The following TP53BP1 variants were observed in gnomAD, a reference collection of about 807,000 sequenced individuals.
TP53BP1 encodes TP53-binding protein 1.
Under a neutral mutation model 200.8 loss-of-function variants are expected in TP53BP1, and 61 were observed. That is an observed-to-expected ratio of 0.30 (90% CI 0.25 to 0.38). The LOEUF is 0.38. TP53BP1 is among the 10% of genes least tolerant of loss of function. The pLI is 1.00. For missense variants in TP53BP1, 2,144 were observed against 2,371.9 expected, an observed-to-expected ratio of 0.90 and a Z score of 2.00; for synonymous variants, 822 against 844.3, an observed-to-expected ratio of 0.97 and a Z score of 0.46.
At chr15:43,422,952 C>A (rs2045439994) in intron 18 of TP53BP1, among the ~76,000 whole-genome samples, 1 of 151,642 alleles carries the variant, frequency 6.6e-6, no homozygotes, top group African/African-American at 2.4e-5. Flanking sequence ...CGGGATCATG[C>A]CACTGTACTC....
upstream of TP53BP1, among the ~76,000 whole-genome samples, chr15:43,496,144 G>C (rs1038068021): frequency 2.7e-4 from 41 of 152,246 alleles, no homozygotes; most frequent in Admixed American, 7.8e-4. Context: ...AGCCCTCCCA[G>C]AGAAGGCTCA....
intron 5 of TP53BP1, 55 bp from the exon 6 acceptor site, chr15:43,480,072 CA>C (rs2078941240): frequency 6.5e-7 from 1 of 1,535,532 alleles, no homozygotes; most frequent in Non-Finnish European, 8.9e-7. Flanking sequence ...ATGCAATGTA[CA>C]AGCTGCTGTC....
chr15:43,406,379 A>C lies in TP53BP1; in HGVS notation c.*1004T>G. 3.1e-6 allele frequency: 1 copy of C among 321,114 alleles called. No individual in the cohort carries two copies. The highest frequency in any genetic ancestry group is 6.2e-6 in the Non-Finnish European group (1 of 162,550). The allele number at this position is 321,114 out of a possible 1,614,324, so 19.9% of individuals were successfully genotyped here. A position where few individuals can be genotyped will look rare whatever the true frequency, so the allele number is the denominator to read the frequency against. On this transcript the variant is annotated 3_prime_UTR_variant, in exon 28 of 28. Transcript: ENST00000382044. ...AAGCTCTGACAACTTATTCCCTGCT[A>C]TTATCAACTAAAGATCACCCTTTCT...
At chr15:43,454,162 G>A (rs1420222900) in intron 12 of TP53BP1, among the ~76,000 whole-genome samples, 2 of 151,524 alleles carry the variant, frequency 1.3e-5, no homozygotes, top group African/African-American at 2.4e-5. Context: ...CTGAGATTGC[G>A]CCACTGCACT....
At chr15:43,438,062 TAACCC>T (rs756540590) in intron 16 of TP53BP1, among the ~76,000 whole-genome samples, 10 of 152,204 alleles carry the variant, frequency 6.6e-5, no homozygotes, top group Non-Finnish European at 1.3e-4. Context: ...CTTTTATAAT[TAACCC>T]ATGCTCACGG....
chr15:43,503,102 ATT>A (rs1174998022), intron 1 of TP53BP1, among the ~76,000 whole-genome samples: 1 of 152,246 alleles, frequency 6.6e-6, no homozygotes, highest in Non-Finnish European at 1.5e-5. Context: ...TACAATTAAA[ATT>A]GGGCCCATTT....
chr15:43,479,268 A>T (rs1472218620), intron 7 of TP53BP1, 129 bp downstream of exon 7: 13 of 938,146 alleles, frequency 1.4e-5, no homozygotes, highest in Middle Eastern at 2.4e-4. Flanking sequence ...ATGGACCACA[A>T]GTATGCCCAG....
chr15:43,421,669 A>G, intron 19 of TP53BP1, 186 bp downstream of exon 19: 1 of 798,442 alleles, frequency 1.3e-6, no homozygotes, highest in Non-Finnish European at 1.9e-6. Context: ...TCTACCTGCC[A>G]CAGGGCTCCA....
At chr15:43,490,083 T>G (rs575563946) in intron 4 of TP53BP1, among the ~76,000 whole-genome samples, 1 of 151,922 alleles carries the variant, frequency 6.6e-6, no homozygotes, top group Non-Finnish European at 1.5e-5. Context: ...CTGCTATTTT[T>G]TTTTTTATTA....
chr15:43,475,168 C>CA (rs1314526984), intron 9 of TP53BP1, among the ~76,000 whole-genome samples: 3 of 151,740 alleles, frequency 2.0e-5, no homozygotes, highest in South Asian at 2.1e-4. Context: ...TAAAACTAAA[C>CA]AAAAAAAACC....
At chr15:43,417,713 G>GT (rs2045300257) in intron 21 of TP53BP1, among the ~76,000 whole-genome samples, 1 of 152,144 alleles carries the variant, frequency 6.6e-6, no homozygotes, top group Non-Finnish European at 1.5e-5. Flanking sequence ...CAAACTATGA[G>GT]TCACAATAAA....
chr15:43,486,682 G>A (rs2079051456), intron 4 of TP53BP1, among the ~76,000 whole-genome samples: 1 of 152,064 alleles, frequency 6.6e-6, no homozygotes, highest in Non-Finnish European at 1.5e-5. Flanking sequence ...AGAGTGCAGC[G>A]GTGCAATCAC....
intron 11 of TP53BP1, among the ~76,000 whole-genome samples, chr15:43,458,826 G>A (rs2046362095): frequency 6.6e-6 from 1 of 151,890 alleles, no homozygotes; most frequent in South Asian, 2.1e-4. Flanking sequence ...CCCAGGATTA[G>A]CAACGATGTT....
At chr15:43,501,399 A>T (rs1404913275) in intron 1 of TP53BP1, among the ~76,000 whole-genome samples, 2 of 151,948 alleles carry the variant, frequency 1.3e-5, no homozygotes, top group Non-Finnish European at 2.9e-5. Context: ...TCTTTTGTAG[A>T]GATGGGGTTA....
At position 43,428,081 on chromosome 15, in the gene TP53BP1, CAA is replaced by C. The variant is rs766833825; in HGVS notation, c.3761_3762del (p.Leu1254ArgfsTer22). The C allele has an allele frequency of 6.2e-7, 1 of 1,613,124 alleles. No homozygotes were observed. Among genetic ancestry groups the C allele is most frequent in the Non-Finnish European group, 8.5e-7 (1 of 1,179,216 alleles). On this transcript the variant is annotated frameshift_variant, in exon 18 of 28. Coordinates refer to ENST00000382044, the MANE Select transcript of TP53BP1 (RefSeq NM_001141980.3). LOFTEE classifies it high-confidence loss of function. ...TACACATCTGTAATGACACGAGTGA[CAA>C]GTGTGCGTACTTCCCGGATTGTTCT... is the stretch of plus-strand genomic sequence containing the variant. ...HMRTIREVRT[L>X]VTRVITDVYY...
Position 43,421,160 on chromosome 15 carries a change from A to C in TP53BP1, c.4115T>G (p.Val1372Gly), listed in dbSNP as rs2045387491. ...GPGKLSPRKG[V>G]SQTGTPVCEE... ...ACACACTGGCGTCCCTGTCTGACTG[A>C]CCCCTTTTCTAGGACTAGAGAATGA... The change falls in exon 20 of 28, where the codon GTC becomes GGC. Residue 1372 changes from valine to glycine, a missense_variant. Coordinates refer to ENST00000382044, the MANE Select transcript of TP53BP1 (RefSeq NM_001141980.3). 6.2e-7 allele frequency: 1 copy of C among 1,613,804 alleles called. No individual in the cohort carries two copies. Among genetic ancestry groups the C allele is most frequent in the Non-Finnish European group, 8.5e-7 (1 of 1,179,950 alleles).
chr15:43,508,795 C>T (rs1215048465), intron 1 of TP53BP1, among the ~76,000 whole-genome samples: 1 of 152,176 alleles, frequency 6.6e-6, no homozygotes, highest in Non-Finnish European at 1.5e-5. Context: ...CTGCAAAATA[C>T]TCATCCAGCA....
chr15:43,409,240 A>T (rs1218538964), intron 25 of TP53BP1, 144 bp from the exon 26 acceptor site: 1 of 692,736 alleles, frequency 1.4e-6, no homozygotes, highest in Non-Finnish European at 2.4e-6. Flanking sequence ...GCCCAAGGCC[A>T]CTCTTCTCAC....
intron 1 of TP53BP1, among the ~76,000 whole-genome samples, chr15:43,502,278 G>A (rs981648854): frequency 1.4e-4 from 21 of 152,004 alleles, no homozygotes; most frequent in Admixed American, 3.9e-4. Context: ...AGCTATGATC[G>A]CACCACTTGC....
Sources: gnomAD v4.1 joint callset for allele counts (sites outside exome capture counted in the v4.1 genomes callset) on GRCh38, gnomAD v4.1.1 for gene constraint, MANE v1.5 for transcripts, NCBI Gene and HGNC (gene_info 2026-07-23, HGNC 2026-07-21) for gene names.